Variants in C1orf141 observed in about 807,000 individuals in gnomAD.
C1orf141 encodes chromosome 1 open reading frame 141, also known as uncharacterized protein C1orf141.
A neutral mutation model predicts 23.2 loss-of-function variants in C1orf141; 19 were observed. The observed-to-expected ratio is 0.82, with a 90% CI of 0.57 to 1.20. The LOEUF (loss-of-function observed/expected upper bound fraction) is 1.20. C1orf141 is among the 50% of genes most tolerant of loss of function. The pLI is 0.00. For synonymous variants in C1orf141, 153 were observed against 154.6 expected (o/e 0.99, Z 0.08); for missense variants, 469 against 455.1 (o/e 1.03, Z -0.28).
Position 67,095,384 on chromosome 1 carries a change from C to A in C1orf141, c.454G>T (p.Glu152Ter), listed in dbSNP as rs1214656440. ...SPQMNDFNIK[E>*]NKSVRNYQLS... ...TGATAATTTCTGACCGATTTGTTTT[C>A]TTTTATATTAAAATCGTTCATCTGT... Residue 152 changes from glutamate (E) to a stop codon, truncating the protein, a stop_gained, in exon 7 of 8, where the codon GAA becomes TAA. Transcript: ENST00000684719. LOFTEE classifies it high-confidence loss of function. 6.4e-7 allele frequency: 1 copy of A among 1,562,264 alleles called. No individual in the cohort carries two copies. The highest frequency in any genetic ancestry group is 8.7e-7 in the Non-Finnish European group (1 of 1,148,194).
At chr1:67,101,923 A>T (rs1461872095) in intron 5 of C1orf141, among the ~76,000 whole-genome samples, 1 of 152,116 alleles carries the variant, frequency 6.6e-6, no homozygotes, top group Non-Finnish European at 1.5e-5. Context: ...ATGGAACCTT[A>T]AGGGATAATG....
At chr1:67,124,279 T>C (rs1646359636) in intron 4 of C1orf141, among the ~76,000 whole-genome samples, 1 of 152,094 alleles carries the variant, frequency 6.6e-6, no homozygotes, top group South Asian at 2.1e-4. Context: ...TGTAAGTAAG[T>C]AGGAGTGGTC....
At chr1:67,117,127 T>A (rs1646209221) in intron 4 of C1orf141, among the ~76,000 whole-genome samples, 1 of 152,164 alleles carries the variant, frequency 6.6e-6, no homozygotes, top group Admixed American at 6.5e-5. Flanking sequence ...TTAATATTCA[T>A]TGAATGCCTA....
chr1:67,112,584 C>G (rs925747831), intron 5 of C1orf141, among the ~76,000 whole-genome samples: 1 of 151,896 alleles, frequency 6.6e-6, no homozygotes, highest in Non-Finnish European at 1.5e-5. Flanking sequence ...TGTCTGTAGT[C>G]TCAGCTACTC....
At chr1:67,125,976 G>A (rs1334253194) in intron 3 of C1orf141, 67 bp from the exon 4 acceptor site, 21 of 1,399,842 alleles carry the variant, frequency 1.5e-5, no homozygotes, top group Non-Finnish European at 1.8e-5. Context: ...GAAAATCTTA[G>A]GTGGAAAGAA....
chr1:67,101,712 T>C (rs1645804770), intron 5 of C1orf141, among the ~76,000 whole-genome samples: 2 of 152,256 alleles, frequency 1.3e-5, no homozygotes, highest in East Asian at 1.9e-4. Flanking sequence ...TTTTGTGTTA[T>C]TCATTTTGGC....
chr1:67,132,654 T>A (rs1204364000), intron 1 of C1orf141, among the ~76,000 whole-genome samples: 1 of 152,220 alleles, frequency 6.6e-6, no homozygotes, highest in Non-Finnish European at 1.5e-5. Flanking sequence ...AACGGGGATT[T>A]GAAAATTACA....
At chr1:67,109,496 A>G (rs1646018605) in intron 5 of C1orf141, among the ~76,000 whole-genome samples, 1 of 152,186 alleles carries the variant, frequency 6.6e-6, no homozygotes, top group Non-Finnish European at 1.5e-5. Flanking sequence ...CTCCAAGAAC[A>G]TTGGAATGGA....
intron 5 of C1orf141, among the ~76,000 whole-genome samples, chr1:67,101,080 G>C (rs1211052774): frequency 6.6e-6 from 1 of 152,026 alleles, no homozygotes. Flanking sequence ...TCAAGTAAGG[G>C]CCTCATGGCT....
chr1:67,096,155 T>C (rs1645675237), intron 6 of C1orf141, 97 bp downstream of exon 6: 2 of 670,134 alleles, frequency 3.0e-6, no homozygotes, highest in African/African-American at 1.9e-5. Flanking sequence ...AACTAAATAA[T>C]AAGGCAGAAT....
chr1:67,127,936 G>A (rs991107304), intron 2 of C1orf141, among the ~76,000 whole-genome samples: 3 of 151,886 alleles, frequency 2.0e-5, no homozygotes, highest in South Asian at 2.1e-4. Context: ...TGCCTGGCCA[G>A]GAGTAGGACT....
chr1:67,121,134 A>G lies in C1orf141; in HGVS notation c.233+4618T>C, dbSNP rs143904071. ...TCTCTCTCCCTCCTCCTTTACTCCC[A>G]TACAGGAGGATGTGCTGGTAAAATT... is the stretch of plus-strand genomic sequence containing the variant. On this transcript the variant is annotated intron_variant, in intron 4 of 7. Coordinates refer to ENST00000684719, the MANE Select transcript of C1orf141 (RefSeq NM_001276351.2). Among the ~76,000 whole-genome samples the G allele has an allele frequency of 3.1e-3, 477 of 152,316 alleles. 1 individual carries two copies. Among genetic ancestry groups the G allele is most frequent in the African/African-American group, 0.011 (465 of 41,558 alleles).
intron 2 of C1orf141, among the ~76,000 whole-genome samples, chr1:67,128,801 T>C (rs1304223662): frequency 2.6e-5 from 4 of 152,198 alleles, no homozygotes; most frequent in Non-Finnish European, 4.4e-5. Flanking sequence ...AAAAGTGATA[T>C]CGTTCACAGA....
intron 1 of C1orf141, among the ~76,000 whole-genome samples, chr1:67,140,309 T>A (rs1435782305): frequency 6.6e-6 from 1 of 152,178 alleles, no homozygotes; most frequent in African/African-American, 2.4e-5. Context: ...ATTAAAAATG[T>A]AAGATAGGTT....
intron 4 of C1orf141, among the ~76,000 whole-genome samples, chr1:67,117,747 T>A (rs1021750659): frequency 3.9e-5 from 6 of 152,208 alleles, no homozygotes; most frequent in African/African-American, 1.4e-4. Context: ...TTTATCCTTA[T>A]CTTAAAAATA....
chr1:67,093,570 T>G lies in C1orf141; in HGVS notation c.638A>C (p.Asp213Ala). ...AAGTAACATTCGTACATATTCTGTG[T>G]CATGGAAAATTATGGGATTTGTGTC... ...QKDTNPIIFH[D>A]TEYVRMLLLT... The change falls in exon 8 of 8, where the codon GAC (aspartate) becomes GCC (alanine). Residue 213 changes from aspartate to alanine, a missense_variant. Transcript: ENST00000684719. The G allele has an allele frequency of 6.3e-7, 1 of 1,576,920 alleles. No individual in the cohort carries two copies. The highest frequency in any genetic ancestry group is 8.6e-7 in the Non-Finnish European group (1 of 1,162,500).
At chr1:67,131,076 C>T (rs1361901407) in intron 2 of C1orf141, 66 bp downstream of exon 2, 1 of 152,246 alleles carries the variant, frequency 6.6e-6, no homozygotes, top group Non-Finnish European at 1.5e-5. Context: ...CATAAACTAA[C>T]TACTAATCTT....
chr1:67,124,839 T>C (rs750228606), intron 4 of C1orf141, among the ~76,000 whole-genome samples: 1 of 151,490 alleles, frequency 6.6e-6, no homozygotes, highest in Non-Finnish European at 1.5e-5. Context: ...GGGTGCACAG[T>C]AGTGCTTTGT....
chr1:67,093,984 A>T (rs1402167944), intron 7 of C1orf141: 1 of 154,348 alleles, frequency 6.5e-6, no homozygotes, highest in Admixed American at 6.5e-5. Flanking sequence ...ATACCAAAAA[A>T]TGGATTGAGT....
Sources: allele counts gnomAD v4.1 joint callset (sites outside exome capture counted in the v4.1 genomes callset), GRCh38; gene constraint gnomAD v4.1.1; transcripts MANE v1.5; gene names NCBI Gene and HGNC (gene_info 2026-07-23, HGNC 2026-07-21).